ABCB1: variants seen among roughly 807,000 people sequenced by gnomAD.
The protein encoded by ABCB1 is ATP-dependent translocase ABCB1.
Under a neutral mutation model 142.0 loss-of-function variants are expected in ABCB1, and 69 were observed. The ratio of observed to expected loss-of-function variants is 0.49; its 90% CI spans 0.40 to 0.59. The LOEUF (loss-of-function observed/expected upper bound fraction) is 0.59. ABCB1 is among the 20% of genes least tolerant of loss of function. ABCB1 has a pLI of 0.00. For missense variants in ABCB1, 1,326 were observed against 1,554.7 expected (o/e 0.85, Z 2.47); for synonymous variants, 532 against 539.2 (o/e 0.99, Z 0.18).
chr7:87,641,647 T>C (rs1245920882), intron 1 of ABCB1, among the ~76,000 whole-genome samples: 1 of 152,244 alleles, frequency 6.6e-6, no homozygotes, highest in Non-Finnish European at 1.5e-5. Flanking sequence ...CCTGCCTTCC[T>C]CTTTTACTCT....
At chr7:87,626,762 T>TCA (rs1336127030) in intron 1 of ABCB1, among the ~76,000 whole-genome samples, 1 of 138,566 alleles carries the variant, frequency 7.2e-6, no homozygotes, top group African/African-American at 2.7e-5. Context: ...CATATATATG[T>TCA]CATATATATG....
At chr7:87,564,662 T>C (rs754553550) in intron 7 of ABCB1, among the ~76,000 whole-genome samples, 2 of 152,192 alleles carry the variant, frequency 1.3e-5, no homozygotes, top group African/African-American at 2.4e-5. Context: ...TTTGATATGA[T>C]TGACATCCAA....
At chr7:87,675,701 CAAAG>C (rs1380989959) in intron 1 of ABCB1, among the ~76,000 whole-genome samples, 35 of 103,166 alleles carry the variant, frequency 3.4e-4, no homozygotes, top group Middle Eastern at 5.3e-3. Flanking sequence ...AGAAAGAAAA[CAAAG>C]AAAGAGAGAG....
chr7:87,672,050 G>A (rs958776026), intron 1 of ABCB1, among the ~76,000 whole-genome samples: 4 of 152,134 alleles, frequency 2.6e-5, no homozygotes, highest in African/African-American at 4.8e-5. Context: ...CCCCTGGTCT[G>A]CTCAGACTCT....
chr7:87,516,144 G>T (rs1316782553), intron 24 of ABCB1, among the ~76,000 whole-genome samples: 1 of 152,124 alleles, frequency 6.6e-6, no homozygotes. Flanking sequence ...TACTTGGGAG[G>T]CTGAGGCAGG....
At chr7:87,587,247 G>T (rs1487280224) in intron 3 of ABCB1, among the ~76,000 whole-genome samples, 1 of 152,158 alleles carries the variant, frequency 6.6e-6, no homozygotes, top group Non-Finnish European at 1.5e-5. Context: ...AGGAAGAGAA[G>T]ATAGTTGATA....
chr7:87,687,898 A>C (rs1218740380), intron 1 of ABCB1, among the ~76,000 whole-genome samples: 1 of 152,220 alleles, frequency 6.6e-6, no homozygotes, highest in Non-Finnish European at 1.5e-5. Context: ...GGATAATCAT[A>C]AACCTGTTCA....
chr7:87,532,636 TTCC>T (rs1186805833), intron 20 of ABCB1, among the ~76,000 whole-genome samples: 1 of 152,186 alleles, frequency 6.6e-6, no homozygotes, highest in Non-Finnish European at 1.5e-5. Context: ...CCCACCCCTT[TTCC>T]TAGGAAACTC....
intron 4 of ABCB1, 99 bp downstream of exon 4, chr7:87,585,413 C>T: frequency 8.4e-7 from 1 of 1,185,780 alleles, no homozygotes; most frequent in Non-Finnish European, 1.2e-6. Context: ...CAGGACTAAA[C>T]ACACTAATGT....
intron 3 of ABCB1, among the ~76,000 whole-genome samples, chr7:87,588,167 T>C (rs985301545): frequency 6.7e-6 from 1 of 150,002 alleles, no homozygotes; most frequent in Non-Finnish European, 1.5e-5. Context: ...TTTTTTTTTT[T>C]ATTATTTTTT....
chr7:87,523,022 T>C (rs73705239), intron 21 of ABCB1, among the ~76,000 whole-genome samples: 4,046 of 152,304 alleles, frequency 0.027, 188 homozygotes, highest in African/African-American at 0.091. Flanking sequence ...GAGATAAACA[T>C]CTTTGTACCT....
In ABCB1 at chr7:87,550,165, T is replaced by C. The variant is rs1237772858; in HGVS notation, c.1350+6A>G. On this transcript the variant is annotated splice_donor_region_variant and intron_variant, in intron 12 of 27. Transcript: ENST00000622132. ...CGCAGGGTCTAGCTCGCATGGGTCA[T>C]CTCACCATCCCCTCTGTGGGGTCAT... The C allele has an allele frequency of 6.2e-7, 1 of 1,614,224 alleles. No homozygotes were observed. Among genetic ancestry groups the C allele is most frequent in the Admixed American group, 1.7e-5 (1 of 60,032 alleles).
chr7:87,546,053 T>C, intron 14 of ABCB1, 29 bp from the exon 15 acceptor site: 1 of 1,610,252 alleles, frequency 6.2e-7, no homozygotes, highest in Non-Finnish European at 8.5e-7. Flanking sequence ...GGTTTTTGAA[T>C]ACATTAACAA....
At chr7:87,669,235 C>T (rs1274580728) in intron 1 of ABCB1, among the ~76,000 whole-genome samples, 5 of 151,938 alleles carry the variant, frequency 3.3e-5, no homozygotes, top group African/African-American at 9.7e-5. Flanking sequence ...AAGTAATGCC[C>T]TCTTTGTCTT....
rs993680112 is a variant in ABCB1, at chr7:87,521,333, C to T, written c.2686-457G>A. ...ATGTTTGGAAAATAGTGAAAGAATG[C>T]AGGCAATAAAAAGTAAATTTTAGAT... is the stretch of plus-strand genomic sequence containing the variant. On this transcript the variant is annotated intron_variant, in intron 21 of 27. Transcript: ENST00000622132. The T allele has an allele frequency of 9.4e-6, 4 of 426,952 alleles. No individual in the cohort carries two copies. In the Admixed American group the frequency reaches 1.1e-4, roughly 12 times the overall value. The allele number at this position is 426,952 out of a possible 1,614,324, so 26.4% of individuals were successfully genotyped here. A position where few individuals can be genotyped will look rare whatever the true frequency, so the allele number is the denominator to read the frequency against.
intron 21 of ABCB1, among the ~76,000 whole-genome samples, chr7:87,527,137 C>A (rs1815817560): frequency 6.6e-6 from 1 of 152,148 alleles, no homozygotes; most frequent in African/African-American, 2.4e-5. Flanking sequence ...GCTATCTTGA[C>A]ATTTTTTTAA....
intron 9 of ABCB1, 34 bp from the exon 10 acceptor site, chr7:87,550,872 G>T: frequency 7.3e-7 from 1 of 1,368,486 alleles, no homozygotes; most frequent in Non-Finnish European, 1.0e-6. Flanking sequence ...TCAGGCTACT[G>T]AGATAGTGAC....
At chr7:87,673,877 G>T (rs1194003779) in intron 1 of ABCB1, among the ~76,000 whole-genome samples, 1 of 152,050 alleles carries the variant, frequency 6.6e-6, no homozygotes, top group Non-Finnish European at 1.5e-5. Flanking sequence ...CCTTGGATGG[G>T]TTTTTTTGCT....
intron 25 of ABCB1, among the ~76,000 whole-genome samples, chr7:87,511,608 T>C (rs1431347567): frequency 6.6e-6 from 1 of 152,248 alleles, no homozygotes; most frequent in Non-Finnish European, 1.5e-5. Flanking sequence ...GTCACTGTGA[T>C]GTTAATTCCC....
Sources: allele counts gnomAD v4.1 joint callset (sites outside exome capture counted in the v4.1 genomes callset), GRCh38; gene constraint gnomAD v4.1.1; transcripts MANE v1.5; gene names NCBI Gene and HGNC (gene_info 2026-07-23, HGNC 2026-07-21).